The following PRKG1 variants were observed in gnomAD, a reference collection of about 807,000 sequenced individuals.
PRKG1 encodes cGMP-dependent protein kinase 1.
A neutral mutation model predicts 88.1 loss-of-function variants in PRKG1; 35 were observed. That is an observed-to-expected ratio of 0.40 (90% confidence interval 0.30 to 0.53). The LOEUF (loss-of-function observed/expected upper bound fraction) is 0.53. Ranked by LOEUF, PRKG1 falls within the 20% of genes least tolerant of loss-of-function variation. The probability of loss-of-function intolerance (pLI) is 0.59; values close to 1 mark genes in which losing one functional copy is unlikely to be tolerated. For synonymous variants in PRKG1, 303 were observed against 292.5 expected (o/e 1.04, Z -0.37); for missense variants, 540 against 839.8 (o/e 0.64, Z 4.41).
chr10:51,901,562 G>A (rs1841979409), intron 4 of PRKG1, among the ~76,000 whole-genome samples: 1 of 152,172 alleles, frequency 6.6e-6, no homozygotes, highest in Non-Finnish European at 1.5e-5. Context: ...ATCTTCTCTA[G>A]TGAATGCAAT....
At chr10:51,692,501 C>T (rs1841170937) in intron 3 of PRKG1, among the ~76,000 whole-genome samples, 1 of 152,156 alleles carries the variant, frequency 6.6e-6, no homozygotes, top group African/African-American at 2.4e-5. Context: ...CCTCTCCATC[C>T]CAAAGTGCTG....
intron 17 of PRKG1, among the ~76,000 whole-genome samples, chr10:52,291,629 C>T (rs1346753309): frequency 1.3e-5 from 2 of 152,146 alleles, no homozygotes; most frequent in East Asian, 3.9e-4. Flanking sequence ...ATACGTGCCA[C>T]ATTTTCTTAA....
At chr10:51,299,735 T>C in intron 2 of PRKG1, 1 of 393,444 alleles carries the variant, frequency 2.5e-6, no homozygotes, top group South Asian at 1.8e-5. Context: ...TTTCCTGGCC[T>C]CTCAATGACA....
intron 7 of PRKG1, among the ~76,000 whole-genome samples, chr10:52,081,229 A>C (rs1211770681): frequency 1.3e-5 from 2 of 152,194 alleles, no homozygotes; most frequent in Admixed American, 6.5e-5. Context: ...AATACTGGGG[A>C]TCAGGCAAAG....
At chr10:52,069,929 C>T (rs1381167046) in intron 7 of PRKG1, among the ~76,000 whole-genome samples, 1 of 149,012 alleles carries the variant, frequency 6.7e-6, no homozygotes, top group Non-Finnish European at 1.5e-5. Context: ...AGAAGTTTTA[C>T]CTTCTTCTAT....
At chr10:51,022,159 A>G (rs947142208) in intron 1 of PRKG1, among the ~76,000 whole-genome samples, 2 of 152,200 alleles carry the variant, frequency 1.3e-5, no homozygotes, top group African/African-American at 4.8e-5. Flanking sequence ...TCCTAGGATC[A>G]TGACCCATCA....
At chr10:52,228,009 C>T (rs996114853) in intron 9 of PRKG1, among the ~76,000 whole-genome samples, 2 of 152,100 alleles carry the variant, frequency 1.3e-5, no homozygotes, top group African/African-American at 2.4e-5. Context: ...AGCTGTAAAA[C>T]TCTAATGTTC....
intron 1 of PRKG1, among the ~76,000 whole-genome samples, chr10:51,047,239 G>T (rs1843501692): frequency 6.6e-6 from 1 of 152,178 alleles, no homozygotes; most frequent in Non-Finnish European, 1.5e-5. Flanking sequence ...TGGTTAAAGA[G>T]CTAGATTCCA....
intron 2 of PRKG1, among the ~76,000 whole-genome samples, chr10:51,186,966 ATATATATATATATATATG>A (rs931368087): frequency 2.1e-5 from 3 of 145,356 alleles, no homozygotes; most frequent in African/African-American, 5.0e-5. Context: ...ATATATATAT[ATATATATATATATATATG>A]TATATATATA....
intron 2 of PRKG1, among the ~76,000 whole-genome samples, chr10:51,346,999 G>A (rs749361024): frequency 7.9e-5 from 12 of 152,168 alleles, no homozygotes; most frequent in South Asian, 6.2e-4. Flanking sequence ...TGATGTTGCC[G>A]AGGACCTGGG....
At chr10:51,262,416 GAGT>G in intron 2 of PRKG1, among the ~76,000 whole-genome samples, 1 of 152,216 alleles carries the variant, frequency 6.6e-6, no homozygotes, top group South Asian at 2.1e-4. Context: ...TTGAGATCTT[GAGT>G]GTTCTCTGGC....
intron 3 of PRKG1, among the ~76,000 whole-genome samples, chr10:51,549,517 C>G (rs908846529): frequency 2.6e-5 from 4 of 152,006 alleles, no homozygotes; most frequent in Admixed American, 6.6e-5. Context: ...TATTTAATCT[C>G]TATTACCTGA....
At chr10:51,354,291 A>C (rs1045837398) in intron 2 of PRKG1, among the ~76,000 whole-genome samples, 9 of 152,112 alleles carry the variant, frequency 5.9e-5, no homozygotes, top group African/African-American at 2.2e-4. Context: ...GTACATTTAA[A>C]AATAACTAAA....
intron 1 of PRKG1, among the ~76,000 whole-genome samples, chr10:51,146,033 A>T (rs1845939244): frequency 6.6e-6 from 1 of 151,142 alleles, no homozygotes; most frequent in Non-Finnish European, 1.5e-5. Context: ...ACAAACAAAC[A>T]AAAAAAACAG....
intron 7 of PRKG1, among the ~76,000 whole-genome samples, chr10:52,076,796 T>C (rs1846639389): frequency 6.6e-6 from 1 of 152,124 alleles, no homozygotes; most frequent in Admixed American, 6.5e-5. Context: ...TATTTCACCA[T>C]GAAGAGAAAC....
chr10:51,220,921 T>C (rs1838512105), intron 2 of PRKG1, among the ~76,000 whole-genome samples: 1 of 152,000 alleles, frequency 6.6e-6, no homozygotes, highest in East Asian at 1.9e-4. Flanking sequence ...ATAAGAAACA[T>C]TTTTCTGTGT....
intron 3 of PRKG1, among the ~76,000 whole-genome samples, chr10:51,704,977 G>A (rs959363792): frequency 1.3e-5 from 2 of 152,044 alleles, no homozygotes; most frequent in Admixed American, 1.3e-4. Context: ...AATCTAAATT[G>A]TGGTGGTTGT....
intron 4 of PRKG1, among the ~76,000 whole-genome samples, chr10:51,848,008 G>A (rs994906526): frequency 1.4e-4 from 21 of 151,416 alleles, no homozygotes; most frequent in African/African-American, 4.6e-4. Context: ...CTACCTCTGC[G>A]TCCCTCTAAA....
chr10:51,595,034 T>G (rs955826198), intron 3 of PRKG1, among the ~76,000 whole-genome samples: 5 of 152,174 alleles, frequency 3.3e-5, no homozygotes, highest in Non-Finnish European at 5.9e-5. Flanking sequence ...TGGAATCCTG[T>G]GGATCCCATT....
Sources: gnomAD v4.1 joint callset for allele counts (sites outside exome capture counted in the v4.1 genomes callset) on GRCh38, gnomAD v4.1.1 for gene constraint, MANE v1.5 for transcripts, NCBI Gene and HGNC (gene_info 2026-07-23, HGNC 2026-07-21) for gene names.